Variants in CRACR2A observed in about 807,000 individuals in gnomAD.
The protein encoded by CRACR2A is EF-hand calcium-binding domain-containing protein 4B.
Under a neutral mutation model 90.5 loss-of-function variants are expected in CRACR2A, and 79 were observed. That is an observed-to-expected ratio of 0.87 (90% confidence interval 0.73 to 1.05). CRACR2A has a LOEUF of 1.05. Among genes scored for constraint, CRACR2A ranks in the 50% least tolerant of loss-of-function variants. The pLI, the probability that CRACR2A is intolerant of heterozygous loss-of-function variation, is 0.00. For missense variants in CRACR2A, 823 were observed against 897.2 expected, an observed-to-expected ratio of 0.92 and a Z score of 1.06; for synonymous variants, 338 against 356.7, an observed-to-expected ratio of 0.95 and a Z score of 0.59.
chr12:3,692,580 G>C (rs1379359553), intron 4 of CRACR2A, among the ~76,000 whole-genome samples: 2 of 152,182 alleles, frequency 1.3e-5, no homozygotes, highest in Non-Finnish European at 2.9e-5. Context: ...GGTGGTGTCA[G>C]CCAGCCAAAG....
chr12:3,634,907 C>T (rs960898407), intron 14 of CRACR2A, among the ~76,000 whole-genome samples: 4 of 152,090 alleles, frequency 2.6e-5, no homozygotes, highest in Admixed American at 2.0e-4. Flanking sequence ...TGCCTCCTGC[C>T]CCATTTTCTT....
intron 4 of CRACR2A, among the ~76,000 whole-genome samples, chr12:3,680,907 C>T (rs1474571516): frequency 6.6e-6 from 1 of 152,162 alleles, no homozygotes; most frequent in Non-Finnish European, 1.5e-5. Flanking sequence ...ATACAGAAAG[C>T]ATTCAATATA....
chr12:3,617,435 G>A (rs192781323), intron 18 of CRACR2A, among the ~76,000 whole-genome samples: 19 of 152,314 alleles, frequency 1.2e-4, no homozygotes, highest in Non-Finnish European at 2.9e-5. Flanking sequence ...GTGAGAGAGG[G>A]CACTTGGCTG....
rs1945388696 is a variant in CRACR2A, at chr12:3,678,916, C to T, written c.523G>A (p.Asp175Asn). 2 of 1,604,474 alleles carry T rather than the reference C, an allele frequency of 1.2e-6. No individual in the cohort carries two copies. Among genetic ancestry groups the T allele is most frequent in the East Asian group, 2.2e-5 (1 of 44,746 alleles). The change falls in exon 6 of 20, where the codon GAT becomes AAT. Residue 175 changes from aspartate (D) to asparagine (N), a missense_variant and splice_region_variant. Asp to Asn is a conservative substitution (Grantham distance 23). Coordinates refer to ENST00000440314, the MANE Select transcript of CRACR2A (RefSeq NM_001144958.2). The part of the protein sequence containing the change: ...DRLGAQKVLE[D>N]ESDVKQLWLQ... The stretch of plus-strand genomic sequence containing the variant: ...CTACAAATCACTGTCACCACTTACT[C>T]TTCCAACACCTTTTGGGCTCCAAGT...
At chr12:3,644,444 T>G in intron 12 of CRACR2A, 151 bp downstream of exon 12, 2 of 798,228 alleles carry the variant, frequency 2.5e-6, no homozygotes, top group Non-Finnish European at 4.2e-6. Flanking sequence ...CACCCTGAAT[T>G]TTTATTATTT....
Position 3,698,464 on chromosome 12 carries a change from C to T in CRACR2A, c.-36-1429G>A, listed in dbSNP as rs896699309. On this transcript the variant is annotated intron_variant, in intron 3 of 19. Coordinates refer to ENST00000440314, the MANE Select transcript of CRACR2A (RefSeq NM_001144958.2). ...TCTGTTGATTTCAGTGATGATCTTCCACTTAACCAGATTTGTCAAGAGCTG... is the reference window on the plus strand; with the variant it reads ...TCTGTTGATTTCAGTGATGATCTTCTACTTAACCAGATTTGTCAAGAGCTG... 3.3e-5 allele frequency among the ~76,000 whole-genome samples: 5 copies of T among 152,204 alleles called. No individual in the cohort carries two copies. In the South Asian group the frequency reaches 1.0e-3, roughly 32 times the overall value.
At chr12:3,676,822 T>C (rs143008170) in intron 6 of CRACR2A, among the ~76,000 whole-genome samples, 57 of 152,264 alleles carry the variant, frequency 3.7e-4, no homozygotes, top group African/African-American at 1.3e-3. Context: ...AGGTTCACCT[T>C]GCCAGCCCAG....
At chr12:3,637,951 C>T (rs969188825) in intron 14 of CRACR2A, among the ~76,000 whole-genome samples, 173 bp downstream of exon 14, 12 of 152,276 alleles carry the variant, frequency 7.9e-5, no homozygotes, top group African/African-American at 2.4e-4. Flanking sequence ...TGAGTCTCCC[C>T]GCATGACACT....
intron 15 of CRACR2A, among the ~76,000 whole-genome samples, chr12:3,631,276 T>G (rs1944371467): frequency 6.6e-6 from 1 of 152,168 alleles, no homozygotes; most frequent in African/African-American, 2.4e-5. Context: ...TCCTGGGAAG[T>G]GCAAATGAGT....
chr12:3,689,571 G>T (rs184683736), intron 4 of CRACR2A, among the ~76,000 whole-genome samples: 227 of 152,158 alleles, frequency 1.5e-3, no homozygotes, highest in Non-Finnish European at 2.8e-3. Flanking sequence ...AAGCTTTTTG[G>T]TGTGCTGTTG....
chr12:3,639,245 C>T (rs7296926), intron 13 of CRACR2A, among the ~76,000 whole-genome samples: 19 of 151,822 alleles, frequency 1.3e-4, no homozygotes, highest in Admixed American at 8.5e-4. Flanking sequence ...CTAGAAGTCA[C>T]AATCAGGAGT....
intron 3 of CRACR2A, among the ~76,000 whole-genome samples, chr12:3,701,087 G>A (rs1402663218): frequency 2.6e-5 from 4 of 151,456 alleles, no homozygotes; most frequent in Admixed American, 2.0e-4. Context: ...TGGAAAGACA[G>A]TAACACACTT....
chr12:3,633,709 G>T lies in CRACR2A; in HGVS notation c.1630C>A (p.Arg544=), dbSNP rs749395954. Residue 544 remains arginine, a synonymous_variant, in exon 15 of 20, where the codon CGG becomes AGG. Coordinates refer to ENST00000440314, the MANE Select transcript of CRACR2A (RefSeq NM_001144958.2). The surrounding 1 kb of genome is among the most constrained non-coding windows in gnomAD (Gnocchi z 4.5). Reference sequence around the variant, plus strand: ...CCCACGAACACAATCTTGAAGAGCCGGTCAGGGGCAGAGGGAGAGCTTTCC... The same window carrying T: ...CCCACGAACACAATCTTGAAGAGCCTGTCAGGGGCAGAGGGAGAGCTTTCC... ...KEESSPSAPD[R]LFKIVFVGNS... is the part of the protein sequence containing the mutation. 2 of 1,551,578 alleles carry T rather than the reference G, an allele frequency of 1.3e-6. No homozygotes were observed. Among genetic ancestry groups the T allele is most frequent in the Admixed American group, 2.0e-5 (1 of 50,978 alleles).
At position 3,654,132 on chromosome 12, in the gene CRACR2A, C is replaced by A. The variant is rs1470399561; in HGVS notation, c.1046+80G>T. ...CTTTTCACAGGCAAGGAGACAGGGT[C>A]TCTGAGCGGCGAGGGGACATGCCCA... is the stretch of plus-strand genomic sequence containing the variant. On this transcript the variant is annotated intron_variant, in intron 10 of 19. Transcript: ENST00000440314. 2.0e-6 allele frequency: 3 copies of A among 1,524,508 alleles called. No individual in the cohort carries two copies. The African/African-American group carries it at 4.2e-5, about 21-fold the overall frequency. 94.4% of individuals were successfully genotyped at this position (1,524,508 alleles called of 1,614,324 possible). A position where few individuals can be genotyped will look rare whatever the true frequency, so the allele number is the denominator to read the frequency against.
Position 3,627,614 on chromosome 12 carries a change from C to A in CRACR2A, c.1817+11G>T, listed in dbSNP as rs1168105986. On this transcript the variant is annotated intron_variant, in intron 16 of 19. Coordinates refer to ENST00000440314, the MANE Select transcript of CRACR2A (RefSeq NM_001144958.2). Reference sequence around the variant, plus strand: ...TCCCTCTGGAGCCCAGAACTTCGGGCAGCTCCTCACCTCTCCTGCCCAGCC... The same window carrying A: ...TCCCTCTGGAGCCCAGAACTTCGGGAAGCTCCTCACCTCTCCTGCCCAGCC... 3.2e-6 allele frequency: 5 copies of A among 1,551,580 alleles called. No individual in the cohort carries two copies. The highest frequency in any genetic ancestry group is 4.4e-6 in the Non-Finnish European group (5 of 1,146,986).
intron 7 of CRACR2A, 118 bp downstream of exon 7, chr12:3,673,328 G>T: frequency 7.8e-7 from 1 of 1,282,440 alleles, no homozygotes; most frequent in Non-Finnish European, 1.1e-6. Flanking sequence ...CCCCACTTTG[G>T]CAGACAGCAA....
chr12:3,647,195 C>T (rs1445861251), intron 11 of CRACR2A, among the ~76,000 whole-genome samples: 2 of 148,922 alleles, frequency 1.3e-5, no homozygotes, highest in East Asian at 4.0e-4. Flanking sequence ...CCCGCTGTCC[C>T]CCACCCCCAC....
chr12:3,657,588 GCCTGTGATTATCCTCATGTTAA>G (rs1944938668), intron 8 of CRACR2A, among the ~76,000 whole-genome samples: 1 of 152,240 alleles, frequency 6.6e-6, no homozygotes, highest in South Asian at 2.1e-4. Context: ...CACTGGGACA[GCCTGTGATTATCCTCATGTTAA>G]CCACATGAAT....
intron 2 of CRACR2A, among the ~76,000 whole-genome samples, chr12:3,720,295 AAAAG>A (rs983754697): frequency 6.1e-5 from 9 of 147,170 alleles, no homozygotes; most frequent in South Asian, 4.4e-4. Flanking sequence ...GAAAGAAAGA[AAAAG>A]AAAGAAAGAA....
Sources: gnomAD v4.1 joint callset for allele counts (sites outside exome capture counted in the v4.1 genomes callset) on GRCh38, gnomAD v4.1.1 for gene constraint, Gnocchi (gnomAD v3.1) non-coding constraint, MANE v1.5 for transcripts, NCBI Gene and HGNC (gene_info 2026-07-23, HGNC 2026-07-21) for gene names.